The following ZNF496 variants were observed in gnomAD, a reference collection of about 807,000 sequenced individuals.
The protein encoded by ZNF496 is zinc finger protein 496, also known as NSD1 (nuclear receptor binding SET-domain containing 1)-interacting zinc finger protein 1.
ZNF496 carries 11 observed loss-of-function variants against 58.9 expected under a neutral mutation model. The observed-to-expected ratio is 0.19, with a 90% CI of 0.12 to 0.31. The LOEUF is 0.31. Ranked by LOEUF, ZNF496 falls within the 10% of genes least tolerant of loss-of-function variation. The probability of loss-of-function intolerance (pLI) is 1.00; values close to 1 mark genes in which losing one functional copy is unlikely to be tolerated. For missense variants in ZNF496, 660 were observed against 783.0 expected, an observed-to-expected ratio of 0.84 and a Z score of 1.88; for synonymous variants, 338 against 318.2, an observed-to-expected ratio of 1.06 and a Z score of -0.66.
chr1:247,309,986 G>T lies in ZNF496; in HGVS notation c.785-180C>A. 1.5e-6 allele frequency: 2 copies of T among 1,352,356 alleles called. No homozygotes were observed. The highest frequency in any genetic ancestry group is 2.0e-6 in the Non-Finnish European group (2 of 1,022,840). 83.8% of individuals were successfully genotyped at this position (1,352,356 alleles called of 1,614,324 possible). A position where few individuals can be genotyped will look rare whatever the true frequency, so the allele number is the denominator to read the frequency against. ...AGTGGGGGCAGCACACGCAGGGAGA[G>T]CTATGGGCTTGGGGGTCTCTCTGAG... On this transcript the variant is annotated intron_variant, in intron 7 of 9. Transcript: ENST00000682384. This position sits in a 1 kb window ranked among gnomAD's most constrained non-coding sequence, Gnocchi z 4.3.
At chr1:247,330,690 G>A (rs1406314163) in intron 2 of ZNF496, among the ~76,000 whole-genome samples, 3 of 152,222 alleles carry the variant, frequency 2.0e-5, no homozygotes, top group Non-Finnish European at 4.4e-5. Flanking sequence ...CCCCTTCTCT[G>A]CCATCAGGCC....
At position 247,331,454 on chromosome 1, in the gene ZNF496, CG is replaced by C. The variant is rs1288318201; in HGVS notation, c.-177del. 1 of 152,212 alleles carries C rather than the reference CG, an allele frequency of 6.6e-6. No homozygotes were observed. Among genetic ancestry groups the C allele is most frequent in the Non-Finnish European group, 1.5e-5 (1 of 68,108 alleles). The allele number at this position is 152,212 out of a possible 1,614,324, so 9.4% of individuals were successfully genotyped here. A position where few individuals can be genotyped will look rare whatever the true frequency, so the allele number is the denominator to read the frequency against. Reference sequence around the variant, plus strand: ...CACCTCACAGCCTGGAGCTCCCTCCCGGCGTCCGGCCGAAAACCCTCCTGTG... The same window carrying C: ...CACCTCACAGCCTGGAGCTCCCTCCCGCGTCCGGCCGAAAACCCTCCTGTG... On this transcript the variant is annotated 5_prime_UTR_variant, in exon 2 of 10. An upstream open reading frame in the 5' UTR gains an earlier in-frame stop. Transcript: ENST00000682384.
rs867741627 is a variant in ZNF496, at chr1:247,303,980, C to T, written c.1007-2704G>A. On this transcript the variant is annotated intron_variant, in intron 9 of 9. Transcript: ENST00000682384. ...GTCTATGGAGGACACCCTCGTCTGA[C>T]GGCCTGCAACCCTGTGGACTGCATG... 6.4e-5 allele frequency: 20 copies of T among 312,682 alleles called. No individual in the cohort carries two copies. The Middle Eastern group carries it at 1.6e-3, about 26-fold the overall frequency. The allele number at this position is 312,682 out of a possible 1,614,324, so 19.4% of individuals were successfully genotyped here.
At chr1:247,314,975 T>C (rs1340341834) in intron 6 of ZNF496, among the ~76,000 whole-genome samples, 3 of 151,226 alleles carry the variant, frequency 2.0e-5, no homozygotes, top group African/African-American at 4.9e-5. Context: ...GGTCTTGAGC[T>C]CCTGAGCTCA....
chr1:247,324,079 G>GAAAA (rs61548661), intron 5 of ZNF496, among the ~76,000 whole-genome samples: 1 of 88,248 alleles, frequency 1.1e-5, no homozygotes, highest in Non-Finnish European at 2.1e-5. Context: ...TGTCTCAAAT[G>GAAAA]AAAAAAAAAA....
chr1:247,303,976 C>CT (rs914275969), intron 9 of ZNF496: 20 of 310,926 alleles, frequency 6.4e-5, no homozygotes, highest in Admixed American at 5.4e-4. Flanking sequence ...ACACCCTCGT[C>CT]TGACGGCCTG....
intron 6 of ZNF496, among the ~76,000 whole-genome samples, chr1:247,319,304 T>C (rs1440609125): frequency 6.6e-6 from 1 of 152,238 alleles, no homozygotes; most frequent in Non-Finnish European, 1.5e-5. Context: ...AATAAGCTTC[T>C]ACACTTCACT....
intron 9 of ZNF496, among the ~76,000 whole-genome samples, chr1:247,302,551 G>C (rs1659280947): frequency 6.6e-6 from 1 of 152,040 alleles, no homozygotes; most frequent in South Asian, 2.1e-4. Flanking sequence ...TCAAACTCCT[G>C]GGCTCAAGCG....
chr1:247,327,272 C>A (rs960117760), intron 5 of ZNF496, among the ~76,000 whole-genome samples: 5 of 152,222 alleles, frequency 3.3e-5, no homozygotes, highest in African/African-American at 1.2e-4. Flanking sequence ...CCATCTTGGC[C>A]AGGCTGGTCT....
rs767875724 is a variant in ZNF496 at position 247,300,650 on chromosome 1, G to C, written c.1633C>G (p.His545Asp). The change falls in exon 10 of 10, where the codon CAC becomes GAC. Residue 545 changes from histidine (H) to aspartate (D), a missense_variant. His to Asp is a moderately conservative substitution (Grantham distance 81, BLOSUM62 -1). Transcript: ENST00000682384. The surrounding 1 kb of genome is among the most constrained non-coding windows in gnomAD (Gnocchi z 5.7). ...AAGGGCCGGGCTTTGTCCTTCAGGT[G>C]AAAGTGGCTGCGGTGCCGAGCCAGG... is the stretch of plus-strand genomic sequence containing the variant. ...DHLARHRSHF[H>D]LKDKARPFQC... 2 of 1,614,170 alleles carry C rather than the reference G, an allele frequency of 1.2e-6. No homozygotes were observed. Among genetic ancestry groups the C allele is most frequent in the Non-Finnish European group, 1.7e-6 (2 of 1,180,044 alleles).
rs748532296 is a variant in ZNF496, at chr1:247,300,609, G to A, written c.1674C>T (p.Cys558=). The part of the protein sequence containing the change: ...DKARPFQCRY[C]VKSFTQNYDL... ...CATAGTTCTGCGTGAAGCTCTTGACGCAGTACCGGCACTGGAAGGGCCGGG... is the reference window on the plus strand; with the variant it reads ...CATAGTTCTGCGTGAAGCTCTTGACACAGTACCGGCACTGGAAGGGCCGGG... Residue 558 remains cysteine, a synonymous_variant, in exon 10 of 10, where the codon TGC becomes TGT. Transcript: ENST00000682384. This position sits in a 1 kb window ranked among gnomAD's most constrained non-coding sequence, Gnocchi z 5.7. The A allele has an allele frequency of 1.4e-5, 22 of 1,614,030 alleles. No homozygotes were observed. Among genetic ancestry groups the A allele is most frequent in the Non-Finnish European group, 1.7e-5 (20 of 1,180,046 alleles).
chr1:247,320,533 G>A (rs1659930149), intron 6 of ZNF496, among the ~76,000 whole-genome samples: 1 of 152,116 alleles, frequency 6.6e-6, no homozygotes. Flanking sequence ...GTATCCTTCT[G>A]GTGAAGCACC....
chr1:247,330,067 C>T lies in ZNF496; in HGVS notation c.-139G>A, dbSNP rs1009641455. On this transcript the variant is annotated 5_prime_UTR_variant, in exon 3 of 10. Coordinates refer to ENST00000682384, the MANE Select transcript of ZNF496 (RefSeq NM_032752.3). ...GAAGTCACTGTTCTTGTTATTAAGA[C>T]CTTTACAAATGGAGCTGGAATGACA... 1 of 153,622 alleles carries T rather than the reference C, an allele frequency of 6.5e-6. No individual in the cohort carries two copies. Among genetic ancestry groups the T allele is most frequent in the African/African-American group, 2.4e-5 (1 of 41,480 alleles). The allele number at this position is 153,622 out of a possible 1,614,324, so 9.5% of individuals were successfully genotyped here. A position where few individuals can be genotyped will look rare whatever the true frequency, so the allele number is the denominator to read the frequency against.
intron 9 of ZNF496, chr1:247,307,617 C>G (rs888692253): frequency 2.4e-5 from 24 of 985,406 alleles, no homozygotes; most frequent in Non-Finnish European, 2.8e-5. Context: ...CCTTTCAGAT[C>G]TCCCACACTA....
At chr1:247,325,930 C>T (rs1660104256) in intron 5 of ZNF496, among the ~76,000 whole-genome samples, 1 of 151,876 alleles carries the variant, frequency 6.6e-6, no homozygotes, top group Non-Finnish European at 1.5e-5. Context: ...CATCCCTAGC[C>T]CTCCCTTCTC....
At position 247,310,310 on chromosome 1, in the gene ZNF496, A is replaced by G; in HGVS notation, c.784+14T>C. On this transcript the variant is annotated intron_variant, in intron 7 of 9. Transcript: ENST00000682384. ...TTCCCTGGTCTTGAGGTGTGGGGGG[A>G]AGTTAAGTCTTACTTGGAGGCATTG... 6.2e-7 allele frequency: 1 copy of G among 1,613,862 alleles called. No homozygotes were observed. Among genetic ancestry groups the G allele is most frequent in the Non-Finnish European group, 8.5e-7 (1 of 1,179,968 alleles).
At chr1:247,310,776 A>G (rs1292023375) in intron 6 of ZNF496, 1 of 241,334 alleles carries the variant, frequency 4.1e-6, no homozygotes, top group Non-Finnish European at 8.1e-6. Flanking sequence ...TTACCAGATC[A>G]TCTCCCCAAA....
At chr1:247,310,102 A>C (rs770332494) in intron 7 of ZNF496, 33 of 1,431,552 alleles carry the variant, frequency 2.3e-5, no homozygotes, top group Non-Finnish European at 2.8e-5. Context: ...TTTGGTTCTG[A>C]TAAGCCTGAT....
intron 9 of ZNF496, among the ~76,000 whole-genome samples, chr1:247,306,138 G>A (rs186230321): frequency 3.9e-5 from 6 of 152,106 alleles, no homozygotes; most frequent in South Asian, 2.1e-4. Flanking sequence ...AAAGCAAACC[G>A]TGGTTTGGTA....
Sources: gnomAD v4.1 joint callset for allele counts (sites outside exome capture counted in the v4.1 genomes callset) on GRCh38, gnomAD v4.1.1 for gene constraint, Gnocchi (gnomAD v3.1) non-coding constraint, MANE v1.5 for transcripts, NCBI Gene and HGNC (gene_info 2026-07-23, HGNC 2026-07-21) for gene names.